Variants in RNF123 observed in about 807,000 individuals in gnomAD.
RNF123 encodes the protein ring finger protein 123, also known as E3 ubiquitin-protein ligase RNF123.
Under a neutral mutation model 168.5 loss-of-function variants are expected in RNF123, and 86 were observed. The ratio of observed to expected loss-of-function variants is 0.51; its 90% confidence interval spans 0.43 to 0.61. The LOEUF is 0.61. Ranked by LOEUF, RNF123 falls within the 20% of genes least tolerant of loss-of-function variation. The probability of loss-of-function intolerance (pLI) is 0.00; values close to 1 mark genes in which losing one functional copy is unlikely to be tolerated. For synonymous variants in RNF123, 666 were observed against 689.1 expected (o/e 0.97, Z 0.52); for missense variants, 1,419 against 1,729.7 (o/e 0.82, Z 3.19).
chr3:49,697,482 C>T, intron 5 of RNF123, 25 bp downstream of exon 5: 1 of 1,547,600 alleles, frequency 6.5e-7, no homozygotes, highest in Non-Finnish European at 8.8e-7. Context: ...GGTGTGGAGA[C>T]CCAGGTCCAG....
At chr3:49,703,398 A>G (rs1559677467) in intron 20 of RNF123, 29 bp from the exon 21 acceptor site, 2 of 1,580,696 alleles carry the variant, frequency 1.3e-6, no homozygotes, top group Non-Finnish European at 1.7e-6. Context: ...GGCCGTGACC[A>G]CTGGCCTAGC....
intron 35 of RNF123, chr3:49,717,693 GAAAGCAGGAAC>G: frequency 1.7e-6 from 1 of 572,590 alleles, no homozygotes; most frequent in East Asian, 3.0e-5. Flanking sequence ...AAGTCCGCGG[GAAAGCAGGAAC>G]TAGCACACCT....
chr3:49,698,173 G>A, intron 7 of RNF123, 36 bp downstream of exon 7: 1 of 1,574,118 alleles, frequency 6.4e-7, no homozygotes, highest in South Asian at 1.1e-5. Flanking sequence ...CCTGGGCCCA[G>A]GGAGAGCTTC....
At chr3:49,712,089 G>A (rs934962481) in intron 26 of RNF123, among the ~76,000 whole-genome samples, 1 of 152,038 alleles carries the variant, frequency 6.6e-6, no homozygotes, top group Non-Finnish European at 1.5e-5. Flanking sequence ...GCCGAGCGCG[G>A]TATCACATAC....
intron 37 of RNF123, 46 bp downstream of exon 37, chr3:49,720,940 T>C (rs1559694829): frequency 6.2e-7 from 1 of 1,611,262 alleles, no homozygotes; most frequent in East Asian, 2.2e-5. Flanking sequence ...TGAATATGTG[T>C]GCACTCCTAC....
intron 34 of RNF123, 88 bp downstream of exon 34, chr3:49,716,265 C>A: frequency 6.4e-7 from 1 of 1,560,858 alleles, no homozygotes; most frequent in Non-Finnish European, 8.8e-7. Context: ...ACATTCTGCC[C>A]CCGGACAGCC....
At chr3:49,715,256 A>T (rs2108199821) in intron 31 of RNF123, among the ~76,000 whole-genome samples, 1 of 152,340 alleles carries the variant, frequency 6.6e-6, no homozygotes, top group African/African-American at 2.4e-5. Flanking sequence ...GTCTGACCCT[A>T]TCTGAAGGGT....
rs907066652 is a variant in RNF123, at chr3:49,705,598, C to T, written c.2223C>T (p.Pro741=). The part of the protein sequence containing the change: ...LGRPPEEPEQ[P]LTENSLLEVL... ...GGCCCCCCGAGGAGCCTGAGCAGCC[C>T]CTCACCGAGAACTCGCTGCTGGAAG... Residue 741 remains proline (P), a synonymous_variant, in exon 24 of 39, where the codon CCC becomes CCT. Coordinates refer to ENST00000327697, the MANE Select transcript of RNF123 (RefSeq NM_022064.5). 4.3e-6 allele frequency: 7 copies of T among 1,613,492 alleles called. No individual in the cohort carries two copies. The highest frequency in any genetic ancestry group is 5.1e-6 in the Non-Finnish European group (6 of 1,179,772).
At chr3:49,716,215 G>A (rs769076280) in intron 34 of RNF123, 38 bp downstream of exon 34, 1 of 1,606,164 alleles carries the variant, frequency 6.2e-7, no homozygotes, top group Non-Finnish European at 8.5e-7. Flanking sequence ...ACACACTACA[G>A]GCCTCGGTTC....
In RNF123 at chr3:49,701,869, C is replaced by T; in HGVS notation, c.1454C>T (p.Ala485Val). ...ETAEERLRRR[A>V]YERGCQRLRK... ...GCAGAGGAGCGGCTGCGGCGGCGAG[C>T]CTACGAACGGGGCTGTCAGCGGCTC... The change falls in exon 17 of 39, where the codon GCC (alanine) becomes GTC (valine). Residue 485 changes from alanine to valine, a missense_variant. Ala to Val is a moderately conservative substitution (Grantham distance 64). Coordinates refer to ENST00000327697, the MANE Select transcript of RNF123 (RefSeq NM_022064.5). 1 of 1,568,632 alleles carries T rather than the reference C, an allele frequency of 6.4e-7. No individual in the cohort carries two copies. The highest frequency in any genetic ancestry group is 1.3e-5 in the African/African-American group (1 of 74,564).
chr3:49,706,841 A>G lies in RNF123; in HGVS notation c.2439A>G (p.Glu813=). 6.2e-7 allele frequency: 1 copy of G among 1,614,124 alleles called. No individual in the cohort carries two copies. Among genetic ancestry groups the G allele is most frequent in the Non-Finnish European group, 8.5e-7 (1 of 1,179,996 alleles). ...ELTKSQKVFS[E]KLDHLSRRLA... is the part of the protein sequence containing the mutation. Reference sequence around the variant, plus strand: ...CCAAGAGCCAGAAGGTTTTCTCAGAAAAGCTGGACCACCTGAGCCGCCGTC... The same window carrying G: ...CCAAGAGCCAGAAGGTTTTCTCAGAGAAGCTGGACCACCTGAGCCGCCGTC... Residue 813 remains glutamate (E), a synonymous_variant, in exon 26 of 39, where the codon GAA becomes GAG. Coordinates refer to ENST00000327697, the MANE Select transcript of RNF123 (RefSeq NM_022064.5).
At chr3:49,719,148 G>A (rs1199389996) in intron 35 of RNF123, 1 of 1,613,604 alleles carries the variant, frequency 6.2e-7, no homozygotes, top group Admixed American at 1.7e-5. Context: ...CGCTGGCGTT[G>A]ACGAAGACGC....
intron 3 of RNF123, among the ~76,000 whole-genome samples, chr3:49,694,892 G>T (rs553584543): frequency 6.6e-6 from 1 of 152,282 alleles, no homozygotes; most frequent in Admixed American, 6.5e-5. Flanking sequence ...AGAGACAGCA[G>T]GTGGTAGGGC....
At chr3:49,713,471 C>T (rs749566682) in intron 27 of RNF123, 42 bp from the exon 28 acceptor site, 3 of 1,552,640 alleles carry the variant, frequency 1.9e-6, no homozygotes, top group South Asian at 1.2e-5. Context: ...GCCTCTGGAG[C>T]CCCCACTCCC....
intron 27 of RNF123, 171 bp from the exon 28 acceptor site, chr3:49,713,342 G>A: frequency 7.8e-6 from 5 of 645,088 alleles, no homozygotes; most frequent in South Asian, 7.5e-5. Flanking sequence ...CTTAGCCCTT[G>A]CACAGCCACC....
chr3:49,700,677 G>T lies in RNF123; in HGVS notation c.1245G>T (p.Glu415Asp), dbSNP rs201466020. 1.9e-6 allele frequency: 3 copies of T among 1,614,182 alleles called. No homozygotes were observed. The highest frequency in any genetic ancestry group is 2.7e-5 in the African/African-American group (2 of 75,060). The change falls in exon 15 of 39, where the codon GAG becomes GAT. Residue 415 changes from glutamate (E) to aspartate (D), a missense_variant. Transcript: ENST00000327697. ...TCACTATCGCCATCCTGAGGCATGA[G>T]AAGTCCCGCAAGTTTCTGCTTAGCA... ...LRLTIAILRH[E>D]KSRKFLLSNV...
intron 1 of RNF123, among the ~76,000 whole-genome samples, chr3:49,690,286 G>A (rs1056394443): frequency 6.6e-6 from 1 of 152,262 alleles, no homozygotes; most frequent in Non-Finnish European, 1.5e-5. Flanking sequence ...GTAACCATTA[G>A]CCACATGTGG....
chr3:49,703,376 G>A (rs1236868222), intron 20 of RNF123, 51 bp from the exon 21 acceptor site: 1 of 1,473,634 alleles, frequency 6.8e-7, no homozygotes, highest in Admixed American at 1.7e-5. Context: ...TGTGGGGAGG[G>A]TCTTCCTACT....
At chr3:49,711,533 G>A (rs2080144943) in intron 26 of RNF123, among the ~76,000 whole-genome samples, 1 of 152,178 alleles carries the variant, frequency 6.6e-6, no homozygotes, top group Admixed American at 6.5e-5. Flanking sequence ...TGTAGCAGCA[G>A]GATCATCGCT....
Sources: gnomAD v4.1 joint callset for allele counts (sites outside exome capture counted in the v4.1 genomes callset) on GRCh38, gnomAD v4.1.1 for gene constraint, MANE v1.5 for transcripts, NCBI Gene and HGNC (gene_info 2026-07-23, HGNC 2026-07-21) for gene names.